Variants in COL4A6 observed in about 807,000 individuals in gnomAD.
The protein encoded by COL4A6 is collagen type IV alpha 6 chain.
In COL4A6, 59 loss-of-function variants were observed where a neutral mutation model predicts 126.7. The observed-to-expected ratio is 0.47, with a 90% CI of 0.38 to 0.58. The LOEUF (loss-of-function observed/expected upper bound fraction) is 0.58. Ranked by LOEUF, COL4A6 falls within the 20% of genes least tolerant of loss-of-function variation. The probability of loss-of-function intolerance (pLI) is 0.00; values close to 1 mark genes in which losing one functional copy is unlikely to be tolerated. For synonymous variants in COL4A6, 547 were observed against 496.6 expected, an observed-to-expected ratio of 1.10 and a Z score of -1.35; for missense variants, 1,285 against 1,337.3, an observed-to-expected ratio of 0.96 and a Z score of 0.61.
intron 5 of COL4A6, among the ~76,000 whole-genome samples, chrX:108,215,603 T>C (rs139949877): frequency 0.013 from 1,481 of 111,444 alleles, 21 homozygotes; most frequent in African/African-American, 0.046. Flanking sequence ...AGACACAGAC[T>C]GGAGAGATCA....
intron 2 of COL4A6, among the ~76,000 whole-genome samples, chrX:108,360,857 C>T (rs1236735117): frequency 3.6e-5 from 4 of 110,767 alleles, no homozygotes; most frequent in Admixed American, 1.9e-4. Flanking sequence ...CTTTGAAGGA[C>T]CGGGGGTTTT....
intron 2 of COL4A6, among the ~76,000 whole-genome samples, chrX:108,433,738 G>A (rs1018310062): frequency 9.0e-6 from 1 of 110,859 alleles, no homozygotes; most frequent in Non-Finnish European, 1.9e-5. Flanking sequence ...TGCCTAGGCT[G>A]GTCTTGAACT....
At chrX:108,271,108 C>A (rs1051459036) in intron 3 of COL4A6, among the ~76,000 whole-genome samples, 2 of 112,482 alleles carry the variant, frequency 1.8e-5, no homozygotes. Context: ...TAAAATTTGT[C>A]AGCGTTGGTG....
intron 3 of COL4A6, among the ~76,000 whole-genome samples, chrX:108,306,253 T>A (rs1394805832): frequency 8.9e-6 from 1 of 112,252 alleles, no homozygotes; most frequent in Non-Finnish European, 1.9e-5. Flanking sequence ...TAGTGATTAG[T>A]GTCAGCAATA....
intron 2 of COL4A6, among the ~76,000 whole-genome samples, chrX:108,426,126 T>C (rs929827109): frequency 6.2e-5 from 7 of 112,110 alleles, no homozygotes; most frequent in Non-Finnish European, 7.5e-5. Flanking sequence ...AGGGATCTGC[T>C]ACACTCACAG....
chrX:108,245,160 C>A (rs982459873), intron 3 of COL4A6, among the ~76,000 whole-genome samples: 1 of 112,313 alleles, frequency 8.9e-6, no homozygotes, highest in Non-Finnish European at 1.9e-5. Flanking sequence ...CAGAAGGGTG[C>A]GTGCATGTGT....
intron 40 of COL4A6, chrX:108,163,305 G>A (rs1230716401): frequency 6.8e-6 from 2 of 295,614 alleles, no homozygotes; most frequent in Non-Finnish European, 1.2e-5. Context: ...CCCAGTGGGT[G>A]ACAGGCAGTC....
At chrX:108,326,301 C>G (rs187000376) in intron 2 of COL4A6, among the ~76,000 whole-genome samples, 139 of 112,284 alleles carry the variant, frequency 1.2e-3, no homozygotes, top group South Asian at 2.6e-3. Context: ...ATGATAACAT[C>G]AAATATATAA....
chrX:108,400,567 C>T (rs776765030), intron 2 of COL4A6, among the ~76,000 whole-genome samples: 8 of 111,129 alleles, frequency 7.2e-5, no homozygotes, highest in Admixed American at 5.7e-4. Context: ...AGAAAAATGC[C>T]TTTTGCAATT....
intron 2 of COL4A6, among the ~76,000 whole-genome samples, chrX:108,423,883 T>G (rs1383639308): frequency 9.0e-6 from 1 of 111,639 alleles, no homozygotes; most frequent in Non-Finnish European, 1.9e-5. Context: ...ACTTTTATCT[T>G]TCCCCTGTTC....
intron 42 of COL4A6, 24 bp from the exon 43 acceptor site, chrX:108,160,678 G>A (rs2033903391): frequency 1.7e-6 from 2 of 1,164,051 alleles, no homozygotes; most frequent in Admixed American, 2.3e-5. Context: ...ATCATAAAAG[G>A]TGAGTGTGGT....
chrX:108,174,496 G>A lies in COL4A6; in HGVS notation c.3082C>T (p.Pro1028Ser). 1 of 1,211,343 alleles carries A rather than the reference G, an allele frequency of 8.3e-7. No homozygotes were observed. Among genetic ancestry groups the A allele is most frequent in the Non-Finnish European group, 1.1e-6 (1 of 895,190 alleles). The change falls in exon 31 of 45, where the codon CCT becomes TCT. Residue 1028 changes from proline (P) to serine (S), a missense_variant. Physicochemically the swap from Pro to Ser is moderately conservative, Grantham distance 74. Transcript: ENST00000334504. ...PPGFMGIRGL[P>S]GLKGSSGITG... ...ATCCCAGAGGACCCCTTCAGGCCAGGTAAGCCCCGGATTCCCATGAAGCCA... is the reference window on the plus strand; with the variant it reads ...ATCCCAGAGGACCCCTTCAGGCCAGATAAGCCCCGGATTCCCATGAAGCCA...
At chrX:108,248,071 T>C (rs922434563) in intron 3 of COL4A6, among the ~76,000 whole-genome samples, 7 of 111,642 alleles carry the variant, frequency 6.3e-5, no homozygotes, top group Admixed American at 1.9e-4. Flanking sequence ...AAAGCAGTGG[T>C]ATCCAGAGTA....
At chrX:108,210,149 T>G in intron 7 of COL4A6, 145 bp from the exon 8 acceptor site, 1 of 529,297 alleles carries the variant, frequency 1.9e-6, no homozygotes, top group African/African-American at 2.4e-5. Context: ...AAATAATGTA[T>G]GAATTGGACA....
intron 8 of COL4A6, among the ~76,000 whole-genome samples, chrX:108,209,099 C>G (rs2035627737): frequency 8.9e-6 from 1 of 111,867 alleles, no homozygotes; most frequent in South Asian, 3.7e-4. Flanking sequence ...TGGCCTTGGT[C>G]CTTATTCATC....
intron 2 of COL4A6, among the ~76,000 whole-genome samples, chrX:108,382,956 C>G (rs910004157): frequency 2.6e-5 from 1 of 38,998 alleles, no homozygotes; most frequent in Non-Finnish European, 5.8e-5. Context: ...TCCATTCCCC[C>G]GCCAAAAATA....
intron 3 of COL4A6, among the ~76,000 whole-genome samples, chrX:108,255,948 C>T (rs59786257): frequency 0.054 from 5,959 of 110,740 alleles, 338 homozygotes; most frequent in African/African-American, 0.17. Flanking sequence ...AGAGGTGGTA[C>T]GTAAAGTATA....
At chrX:108,385,716 T>G (rs749017585) in intron 2 of COL4A6, among the ~76,000 whole-genome samples, 1 of 111,800 alleles carries the variant, frequency 8.9e-6, no homozygotes, top group African/African-American at 3.2e-5. Flanking sequence ...ATTTTATTTT[T>G]GTTTCTTTTT....
intron 2 of COL4A6, among the ~76,000 whole-genome samples, chrX:108,324,499 G>A: frequency 8.9e-6 from 1 of 111,858 alleles, no homozygotes; most frequent in Non-Finnish European, 1.9e-5. Context: ...TAGTCATAGG[G>A]AGCATGTGAG....
Sources: allele counts gnomAD v4.1 joint callset (sites outside exome capture counted in the v4.1 genomes callset), GRCh38; gene constraint gnomAD v4.1.1; transcripts MANE v1.5; gene names NCBI Gene and HGNC (gene_info 2026-07-23, HGNC 2026-07-21).